DSCAML1: variants seen among roughly 807,000 people sequenced by gnomAD.
DSCAML1 encodes the protein DS cell adhesion molecule like 1, also known as cell adhesion molecule DSCAML1.
In DSCAML1, 38 loss-of-function variants were observed where a neutral mutation model predicts 200.5. The observed-to-expected ratio is 0.19, with a 90% CI of 0.15 to 0.25. DSCAML1 has a LOEUF of 0.25. DSCAML1 is among the 10% of genes least tolerant of loss of function. The pLI is 1.00. For synonymous variants in DSCAML1, 1,215 were observed against 1,165.0 expected, an observed-to-expected ratio of 1.04 and a Z score of -0.87; for missense variants, 2,223 against 2,858.8, an observed-to-expected ratio of 0.78 and a Z score of 5.07.
chr11:117,451,806 C>T (rs2048288258), intron 19 of DSCAML1, among the ~76,000 whole-genome samples: 1 of 91,278 alleles, frequency 1.1e-5, no homozygotes, highest in Non-Finnish European at 2.3e-5. Flanking sequence ...CAGAGCAAGA[C>T]TCCGTCTCAA....
intron 3 of DSCAML1, among the ~76,000 whole-genome samples, chr11:117,588,599 C>T (rs868594076): frequency 4.6e-5 from 7 of 152,304 alleles, no homozygotes; most frequent in African/African-American, 9.6e-5. Flanking sequence ...CTTCATGGCC[C>T]GTAGCCTTGC....
Position 117,763,566 on chromosome 11 carries a change from C to T in DSCAML1, c.511+13225G>A, listed in dbSNP as rs190906055. ...ATTGCCCTTCGATACATACAACTCA[C>T]GCAGCATCACTTATATCCCACCTGT... On this transcript the variant is annotated intron_variant, in intron 3 of 32. Coordinates refer to ENST00000651296, the MANE Select transcript of DSCAML1 (RefSeq NM_020693.4). Among the ~76,000 whole-genome samples, 65 of 152,242 alleles carry T rather than the reference C, an allele frequency of 4.3e-4. No homozygotes were observed. In the East Asian group the frequency reaches 0.011, roughly 26 times the overall value.
chr11:117,650,667 CTGTGTG>C lies in DSCAML1; in HGVS notation c.512-118151_512-118146del, dbSNP rs66966642. On this transcript the variant is annotated intron_variant, in intron 3 of 32. Coordinates refer to ENST00000651296, the MANE Select transcript of DSCAML1 (RefSeq NM_020693.4). ...TTCTGTTTAAAGTGTGTGTGTCTAT[CTGTGTG>C]TGTGTGTGTGTGTGTGTGTGTGTGT... Among the ~76,000 whole-genome samples, 104 of 143,532 alleles carry C rather than the reference CTGTGTG, an allele frequency of 7.2e-4. 1 individual carries two copies. The highest frequency in any genetic ancestry group is 6.6e-3 in the South Asian group (29 of 4,404). The allele number at this position is 143,532 out of a possible 152,430, so 94.2% of individuals were successfully genotyped here.
At chr11:117,542,332 A>AAAC (rs1232254690) in intron 3 of DSCAML1, among the ~76,000 whole-genome samples, 1 of 132,260 alleles carries the variant, frequency 7.6e-6, no homozygotes, top group African/African-American at 3.1e-5. Context: ...CAAAACACAA[A>AAAC]AACAACAACA....
At chr11:117,483,290 T>G (rs958021093) in intron 11 of DSCAML1, among the ~76,000 whole-genome samples, 15 of 152,086 alleles carry the variant, frequency 9.9e-5, no homozygotes, top group Non-Finnish European at 2.1e-4. Flanking sequence ...GGTCCTTGCC[T>G]CTGGAGGGAG....
intron 3 of DSCAML1, among the ~76,000 whole-genome samples, chr11:117,582,579 AAGAG>A (rs950300614): frequency 2.7e-4 from 41 of 152,330 alleles, no homozygotes; most frequent in African/African-American, 8.7e-4. Context: ...ATGGGGGAGA[AAGAG>A]AGAGAGTTAC....
intron 3 of DSCAML1, among the ~76,000 whole-genome samples, chr11:117,644,932 A>G (rs2052491952): frequency 6.6e-6 from 1 of 152,232 alleles, no homozygotes; most frequent in Non-Finnish European, 1.5e-5. Context: ...CAGGAAAGAA[A>G]AAGCACACTC....
At chr11:117,486,310 GGATGTGAAAGTAGC>G in intron 11 of DSCAML1, among the ~76,000 whole-genome samples, 1 of 124,012 alleles carries the variant, frequency 8.1e-6, no homozygotes, top group African/African-American at 2.8e-5. Context: ...TGAAAGTAGT[GGATGTGAAAGTAGC>G]GGATGTGAAA....
At chr11:117,442,363 T>C (rs2048082319) in intron 21 of DSCAML1, among the ~76,000 whole-genome samples, 1 of 151,912 alleles carries the variant, frequency 6.6e-6, no homozygotes, top group African/African-American at 2.4e-5. Flanking sequence ...TGTGTATGCA[T>C]ATATTAGTGT....
intron 3 of DSCAML1, among the ~76,000 whole-genome samples, chr11:117,566,358 T>TC (rs2050756769): frequency 1.4e-5 from 1 of 73,118 alleles, no homozygotes; most frequent in East Asian, 3.6e-4. Flanking sequence ...CTCTCTCTCT[T>TC]TTTTTTTTTT....
chr11:117,438,052 G>A lies in DSCAML1; in HGVS notation c.4275C>T (p.Ser1425=), dbSNP rs1016076326. The change falls in exon 25 of 33, where the codon AGC becomes AGT. Residue 1425 remains serine (S), a synonymous_variant. Transcript: ENST00000651296. ...TGATGAACACATCCTTCCACTCCTC[G>A]CTGTTGTCCACCGAGTACTGTAGCA... is the stretch of plus-strand genomic sequence containing the variant. The part of the protein sequence containing the change: ...GFVLQYSVDN[S]EEWKDVFISS... 67 of 1,613,788 alleles carry A rather than the reference G, an allele frequency of 4.2e-5. No homozygotes were observed. Among genetic ancestry groups the A allele is most frequent in the Non-Finnish European group, 4.9e-5 (58 of 1,179,928 alleles).
chr11:117,578,395 G>A (rs1277934474), intron 3 of DSCAML1, among the ~76,000 whole-genome samples: 1 of 152,034 alleles, frequency 6.6e-6, no homozygotes, highest in African/African-American at 2.4e-5. Context: ...TGTGGGCTGG[G>A]TGCAGAGGCG....
chr11:117,448,824 ACT>A (rs1326563575), intron 20 of DSCAML1, among the ~76,000 whole-genome samples: 4 of 152,056 alleles, frequency 2.6e-5, no homozygotes, highest in Admixed American at 2.6e-4. Context: ...ACACCTGCAA[ACT>A]CTGTGACCTA....
At chr11:117,802,742 G>A (rs1025572668) in intron 1 of DSCAML1, among the ~76,000 whole-genome samples, 1 of 152,134 alleles carries the variant, frequency 6.6e-6, no homozygotes, top group African/African-American at 2.4e-5. Context: ...TCTTGACCTT[G>A]TAGGCAGCGC....
chr11:117,508,282 C>CG (rs2049544801), intron 8 of DSCAML1, among the ~76,000 whole-genome samples: 1 of 152,128 alleles, frequency 6.6e-6, no homozygotes, highest in African/African-American at 2.4e-5. Flanking sequence ...CTGAAGCCTT[C>CG]GGTCCACACC....
At chr11:117,684,725 T>C (rs557818091) in intron 3 of DSCAML1, among the ~76,000 whole-genome samples, 22 of 152,344 alleles carry the variant, frequency 1.4e-4, no homozygotes, top group African/African-American at 5.0e-4. Context: ...GAATGTAAAA[T>C]TGAAAGGTGT....
chr11:117,606,455 C>T (rs1428924268), intron 3 of DSCAML1, among the ~76,000 whole-genome samples: 1 of 152,176 alleles, frequency 6.6e-6, no homozygotes, highest in Non-Finnish European at 1.5e-5. Context: ...AGTTAAACCC[C>T]ACTTCTTTCA....
At chr11:117,684,456 A>G (rs975726291) in intron 3 of DSCAML1, among the ~76,000 whole-genome samples, 5 of 148,620 alleles carry the variant, frequency 3.4e-5, no homozygotes, top group East Asian at 2.0e-4. Flanking sequence ...AAAAAAAAAA[A>G]AAAAGAAAAA....
intron 26 of DSCAML1, 90 bp from the exon 27 acceptor site, chr11:117,435,889 T>C: frequency 7.0e-7 from 1 of 1,422,562 alleles, no homozygotes; most frequent in Non-Finnish European, 9.5e-7. Context: ...CTCTGACCTC[T>C]CTTGCTGCCC....
Sources: allele counts gnomAD v4.1 joint callset (sites outside exome capture counted in the v4.1 genomes callset), GRCh38; gene constraint gnomAD v4.1.1; transcripts MANE v1.5; gene names NCBI Gene and HGNC (gene_info 2026-07-23, HGNC 2026-07-21).